RASA2: variants seen among roughly 807,000 people sequenced by gnomAD.
RASA2 encodes ras GTPase-activating protein 2.
A neutral mutation model predicts 118.2 loss-of-function variants in RASA2; 155 were observed. That is an observed-to-expected ratio of 1.31 (90% CI 1.15 to 1.50). The LOEUF (loss-of-function observed/expected upper bound fraction) is 1.50. Ranked by LOEUF, RASA2 falls within the 40% of genes most tolerant of loss-of-function variation. The probability of loss-of-function intolerance (pLI) is 0.00; values close to 1 mark genes in which losing one functional copy is unlikely to be tolerated. For synonymous variants in RASA2, 353 were observed against 349.1 expected, an observed-to-expected ratio of 1.01 and a Z score of -0.12; for missense variants, 1,016 against 1,009.6, an observed-to-expected ratio of 1.01 and a Z score of -0.09.
intron 1 of RASA2, among the ~76,000 whole-genome samples, chr3:141,511,769 A>G (rs2081954534): frequency 1.3e-5 from 2 of 152,074 alleles, no homozygotes. Context: ...TTAAGTTGAG[A>G]AATTCCCATC....
At chr3:141,589,440 T>G (rs553880098) in intron 19 of RASA2, among the ~76,000 whole-genome samples, 7 of 152,162 alleles carry the variant, frequency 4.6e-5, no homozygotes, top group Non-Finnish European at 7.4e-5. Flanking sequence ...CCTACAAACA[T>G]AGACAAAAAA....
intron 4 of RASA2, among the ~76,000 whole-genome samples, chr3:141,532,969 A>G (rs1280090989): frequency 6.6e-6 from 1 of 151,872 alleles, no homozygotes; most frequent in East Asian, 1.9e-4. Context: ...TTTAATAACT[A>G]TTTGCTTTGC....
chr3:141,492,481 A>G (rs955480443), intron 1 of RASA2, among the ~76,000 whole-genome samples: 10 of 152,214 alleles, frequency 6.6e-5, no homozygotes, highest in African/African-American at 1.9e-4. Flanking sequence ...AGTGATAAAC[A>G]TTAAAAGTTT....
intron 13 of RASA2, 57 bp from the exon 14 acceptor site, chr3:141,573,887 G>T (rs1200653702): frequency 6.4e-6 from 9 of 1,412,202 alleles, no homozygotes; most frequent in African/African-American, 2.9e-5. Context: ...TTTCATGAAG[G>T]CTATTGAAGA....
intron 12 of RASA2, 39 bp downstream of exon 12, chr3:141,572,762 T>C: frequency 1.4e-6 from 2 of 1,421,708 alleles, no homozygotes; most frequent in Non-Finnish European, 1.9e-6. Context: ...TTTGTGGCCT[T>C]ATGATAGTTG....
intron 9 of RASA2, among the ~76,000 whole-genome samples, chr3:141,561,271 C>T (rs2082726102): frequency 6.6e-6 from 1 of 152,138 alleles, no homozygotes; most frequent in South Asian, 2.1e-4. Context: ...GAGAAAAACA[C>T]GTTGTAGTGC....
intron 1 of RASA2, among the ~76,000 whole-genome samples, chr3:141,498,887 C>T (rs1348857610): frequency 2.0e-5 from 3 of 152,134 alleles, no homozygotes; most frequent in Admixed American, 6.5e-5. Context: ...GAGATTCCTG[C>T]CATATGTACT....
At chr3:141,525,887 C>G (rs1172036961) in intron 3 of RASA2, 1 of 151,942 alleles carries the variant, frequency 6.6e-6, no homozygotes, top group Non-Finnish European at 1.5e-5. Context: ...CTATTAGAGG[C>G]ACAAAAAGGG....
chr3:141,524,473 C>A (rs572881760), intron 3 of RASA2, among the ~76,000 whole-genome samples: 2 of 152,284 alleles, frequency 1.3e-5, no homozygotes, highest in African/African-American at 4.8e-5. Flanking sequence ...TACACTAAGG[C>A]TTCGAAGTGC....
At chr3:141,586,819 T>C (rs1342156840) in intron 19 of RASA2, 67 bp downstream of exon 19, 6 of 1,257,602 alleles carry the variant, frequency 4.8e-6, no homozygotes, top group African/African-American at 4.5e-5. Context: ...TTGCCGCTTA[T>C]TGTGACTCTA....
In RASA2 at chr3:141,601,810, A is replaced by G. The variant is rs751346874; in HGVS notation, c.1934-5868A>G. 5.4e-4 allele frequency among the ~76,000 whole-genome samples: 82 copies of G among 152,142 alleles called. 3 individuals are homozygous for G. The highest frequency in any genetic ancestry group is 1.8e-4 in the Non-Finnish European group (12 of 68,018). ...TTTTCTTCTAGGGATCCTCCAATTT[A>G]TGCTGATAAATTGTCTCATGGATCT... On this transcript the variant is annotated intron_variant, in intron 19 of 23. Transcript: ENST00000286364.
intron 9 of RASA2, among the ~76,000 whole-genome samples, chr3:141,560,480 CT>C (rs1378240276): frequency 3.3e-5 from 5 of 152,116 alleles, no homozygotes; most frequent in African/African-American, 9.7e-5. Context: ...CCTAATGTTA[CT>C]TTTTGAATGT....
intron 19 of RASA2, among the ~76,000 whole-genome samples, chr3:141,606,667 T>A (rs567094622): frequency 6.6e-6 from 1 of 152,144 alleles, no homozygotes; most frequent in African/African-American, 2.4e-5. Flanking sequence ...AAATTTTAGA[T>A]TTTATACCAG....
At chr3:141,550,954 T>C (rs1444566236) in intron 5 of RASA2, among the ~76,000 whole-genome samples, 1 of 152,248 alleles carries the variant, frequency 6.6e-6, no homozygotes, top group African/African-American at 2.4e-5. Flanking sequence ...CTCTAGATTT[T>C]TCCATTTTTA....
chr3:141,490,261 G>T (rs2081624259), intron 1 of RASA2, among the ~76,000 whole-genome samples: 1 of 145,948 alleles, frequency 6.9e-6, no homozygotes, highest in African/African-American at 2.5e-5. Flanking sequence ...CCATTCTTCG[G>T]TCTGCACTCC....
chr3:141,519,976 A>G (rs942590604), intron 3 of RASA2, among the ~76,000 whole-genome samples: 3 of 151,766 alleles, frequency 2.0e-5, no homozygotes, highest in Non-Finnish European at 4.4e-5. Flanking sequence ...ATAGGTAGGA[A>G]AAAGAAGAAC....
At chr3:141,547,805 A>G (rs1334095611) in intron 5 of RASA2, among the ~76,000 whole-genome samples, 1 of 152,172 alleles carries the variant, frequency 6.6e-6, no homozygotes, top group Non-Finnish European at 1.5e-5. Context: ...ATTCAGTATG[A>G]TACTAGCTAT....
intron 7 of RASA2, among the ~76,000 whole-genome samples, chr3:141,556,986 CG>C (rs147391789): frequency 1.3e-5 from 2 of 152,060 alleles, no homozygotes; most frequent in Admixed American, 1.3e-4. Flanking sequence ...TTATTAATGG[CG>C]GTTGCATCTA....
chr3:141,496,970 G>T (rs1220191620), intron 1 of RASA2, among the ~76,000 whole-genome samples: 2 of 152,110 alleles, frequency 1.3e-5, no homozygotes, highest in Non-Finnish European at 2.9e-5. Context: ...ATACACCATG[G>T]AATACTATGC....
Sources: gnomAD v4.1 joint callset for allele counts (sites outside exome capture counted in the v4.1 genomes callset) on GRCh38, gnomAD v4.1.1 for gene constraint, MANE v1.5 for transcripts, NCBI Gene and HGNC (gene_info 2026-07-23, HGNC 2026-07-21) for gene names.